SOX5: variants seen among roughly 807,000 people sequenced by gnomAD.
SOX5 encodes SRY-box transcription factor 5, also known as transcription factor SOX-5.
In SOX5, 9 loss-of-function variants were observed where a neutral mutation model predicts 92.0. The observed-to-expected ratio is 0.10, with a 90% CI of 0.06 to 0.17. The LOEUF is 0.17. Among genes scored for constraint, SOX5 ranks in the 10% least tolerant of loss-of-function variants. The pLI is 1.00. For synonymous variants in SOX5, 344 were observed against 336.3 expected, an observed-to-expected ratio of 1.02 and a Z score of -0.25; for missense variants, 642 against 944.5, an observed-to-expected ratio of 0.68 and a Z score of 4.20.
At chr12:24,084,520 TG>T (rs1345481585) in intron 4 of SOX5, among the ~76,000 whole-genome samples, 1 of 152,098 alleles carries the variant, frequency 6.6e-6, no homozygotes, top group Non-Finnish European at 1.5e-5. Flanking sequence ...TTCTTTAAAA[TG>T]AAATCTTAGT....
chr12:23,935,459 G>T (rs540556088), intron 1 of SOX5, among the ~76,000 whole-genome samples: 9 of 151,228 alleles, frequency 6.0e-5, no homozygotes, highest in African/African-American at 1.9e-4. Context: ...CAAAAATACT[G>T]CCTGTCTGTA....
At chr12:24,477,767 A>C (rs982033436) in intron 1 of SOX5, among the ~76,000 whole-genome samples, 1 of 152,060 alleles carries the variant, frequency 6.6e-6, no homozygotes, top group Non-Finnish European at 1.5e-5. Flanking sequence ...TTGTTTAGCT[A>C]TAAGTATTAT....
At chr12:24,295,759 G>T (rs1259165661) in intron 2 of SOX5, among the ~76,000 whole-genome samples, 1 of 152,046 alleles carries the variant, frequency 6.6e-6, no homozygotes, top group Non-Finnish European at 1.5e-5. Flanking sequence ...GTAGAGATGA[G>T]ATTTTACCAT....
At chr12:23,979,849 C>G (rs911322753) in intron 4 of SOX5, among the ~76,000 whole-genome samples, 11 of 149,712 alleles carry the variant, frequency 7.3e-5, no homozygotes, top group African/African-American at 2.5e-4. Flanking sequence ...TTCCAAGTAA[C>G]TAGGACTACA....
rs183133671 is a variant in SOX5, at chr12:23,634,074, G to A, written c.1017+6738C>T. On this transcript the variant is annotated intron_variant, in intron 8 of 14. Transcript: ENST00000451604. ...GGCCATTAAATTAATATCATTTAAC[G>A]CAGAAATCAATATATGCTGCTTTTT... 3.2e-4 allele frequency among the ~76,000 whole-genome samples: 48 copies of A among 152,096 alleles called. No individual in the cohort carries two copies. In the East Asian group the frequency reaches 7.2e-3, roughly 23 times the overall value.
chr12:24,375,770 G>A (rs1322603773), intron 1 of SOX5, among the ~76,000 whole-genome samples: 1 of 149,898 alleles, frequency 6.7e-6, no homozygotes, highest in Non-Finnish European at 1.5e-5. Flanking sequence ...AATACATTAT[G>A]GAAACAGCTC....
At chr12:24,504,999 C>A (rs999009672) in intron 1 of SOX5, among the ~76,000 whole-genome samples, 12 of 152,148 alleles carry the variant, frequency 7.9e-5, no homozygotes, top group Non-Finnish European at 1.2e-4. Flanking sequence ...GAGGAAGCAA[C>A]AACAGATAAA....
intron 4 of SOX5, among the ~76,000 whole-genome samples, chr12:23,992,866 C>T (rs1198581633): frequency 2.6e-5 from 4 of 152,110 alleles, no homozygotes; most frequent in Non-Finnish European, 4.4e-5. Context: ...ATAAAGCATG[C>T]ATGACAAAAG....
chr12:24,117,033 G>A (rs764255684), intron 4 of SOX5, among the ~76,000 whole-genome samples: 4 of 147,810 alleles, frequency 2.7e-5, no homozygotes, highest in Non-Finnish European at 4.5e-5. Context: ...CCGCCCACGA[G>A]TTGAGAGAAA....
intron 3 of SOX5, among the ~76,000 whole-genome samples, chr12:24,257,379 C>T (rs929505245): frequency 2.0e-5 from 3 of 152,124 alleles, no homozygotes; most frequent in African/African-American, 7.2e-5. Context: ...GTATATTATG[C>T]ACAAAATTGT....
chr12:23,976,412 A>C (rs961021940), intron 4 of SOX5, among the ~76,000 whole-genome samples: 18 of 149,660 alleles, frequency 1.2e-4, no homozygotes, highest in South Asian at 8.4e-4. Flanking sequence ...AAAACAAAAA[A>C]AAAAAAAAAA....
chr12:24,103,831 G>A (rs867465784), intron 4 of SOX5, among the ~76,000 whole-genome samples: 8 of 152,058 alleles, frequency 5.3e-5, no homozygotes, highest in African/African-American at 1.2e-4. Context: ...GAATGGAGAC[G>A]TGAGTTTAGT....
At chr12:24,251,778 G>C (rs1013733144) in intron 3 of SOX5, among the ~76,000 whole-genome samples, 1 of 151,596 alleles carries the variant, frequency 6.6e-6, no homozygotes, top group Non-Finnish European at 1.5e-5. Flanking sequence ...CACCATGTTG[G>C]CCAGGCTGGT....
intron 2 of SOX5, among the ~76,000 whole-genome samples, chr12:23,847,758 T>C (rs1255186168): frequency 6.6e-6 from 1 of 152,110 alleles, no homozygotes; most frequent in Non-Finnish European, 1.5e-5. Context: ...TTACAGAATA[T>C]GCCTCTGACT....
chr12:23,773,849 G>C (rs1425151758), intron 3 of SOX5, among the ~76,000 whole-genome samples: 1 of 152,092 alleles, frequency 6.6e-6, no homozygotes, highest in Non-Finnish European at 1.5e-5. Context: ...GTGTACTAAG[G>C]CTGACATTTG....
At chr12:24,386,742 T>C (rs1264514457) in intron 1 of SOX5, among the ~76,000 whole-genome samples, 1 of 152,184 alleles carries the variant, frequency 6.6e-6, no homozygotes, top group African/African-American at 2.4e-5. Context: ...ATAGCACTTG[T>C]AGAAATAAAG....
chr12:23,818,362 G>A (rs7135037), intron 3 of SOX5, among the ~76,000 whole-genome samples: 16,074 of 152,128 alleles, frequency 0.11, 1,056 homozygotes, highest in Non-Finnish European at 0.15. Flanking sequence ...AAGTATTTGT[G>A]TATTCAAACA....
intron 4 of SOX5, among the ~76,000 whole-genome samples, chr12:24,056,006 A>G (rs560579773): frequency 3.9e-4 from 60 of 152,196 alleles, no homozygotes; most frequent in Non-Finnish European, 6.8e-4. Flanking sequence ...GAACACTCTC[A>G]ATCTTTAACC....
intron 3 of SOX5, among the ~76,000 whole-genome samples, chr12:24,213,962 A>G (rs1170673494): frequency 6.6e-6 from 1 of 151,708 alleles, no homozygotes; most frequent in African/African-American, 2.4e-5. Context: ...ATATATATAT[A>G]TAATGTAATA....
Sources: allele counts gnomAD v4.1 joint callset (sites outside exome capture counted in the v4.1 genomes callset), GRCh38; gene constraint gnomAD v4.1.1; transcripts MANE v1.5; gene names NCBI Gene and HGNC (gene_info 2026-07-23, HGNC 2026-07-21).